Variants in PSPC1 observed in about 807,000 individuals in gnomAD.
PSPC1 encodes the protein paraspeckle protein 1.
PSPC1 carries 14 observed loss-of-function variants against 51.6 expected under a neutral mutation model. The ratio of observed to expected loss-of-function variants is 0.27; its 90% CI spans 0.18 to 0.42. The LOEUF (loss-of-function observed/expected upper bound fraction) is 0.42, where lower values mean the gene tolerates loss of function less well. Ranked by LOEUF, PSPC1 falls within the 10% of genes least tolerant of loss-of-function variation. PSPC1 has a pLI of 1.00. For missense variants in PSPC1, 406 were observed against 701.1 expected, an observed-to-expected ratio of 0.58 and a Z score of 4.75; for synonymous variants, 193 against 231.9, an observed-to-expected ratio of 0.83 and a Z score of 1.53.
At chr13:19,756,566 C>A (rs1887092403) in intron 3 of PSPC1, among the ~76,000 whole-genome samples, 1 of 151,772 alleles carries the variant, frequency 6.6e-6, no homozygotes, top group South Asian at 2.1e-4. Context: ...GTGGCGCGAT[C>A]TTGGCTCACC....
intron 8 of PSPC1, among the ~76,000 whole-genome samples, chr13:19,703,815 T>A (rs2137727153): frequency 6.6e-6 from 1 of 152,290 alleles, no homozygotes; most frequent in Non-Finnish European, 1.5e-5. Flanking sequence ...AATCTTCACA[T>A]CAATTCCTTG....
chr13:19,673,234 T>C (rs569085286), downstream of PSPC1: 1 of 419,740 alleles, frequency 2.4e-6, no homozygotes, highest in Admixed American at 3.2e-5. Context: ...TTCCTGCTTC[T>C]GTATGGCAAG....
chr13:19,721,029 G>C (rs1024259377), intron 6 of PSPC1, among the ~76,000 whole-genome samples: 5 of 48,478 alleles, frequency 1.0e-4, no homozygotes, highest in Admixed American at 6.9e-4. Flanking sequence ...ACTTAATACT[G>C]AACATAGACA....
intron 5 of PSPC1, among the ~76,000 whole-genome samples, chr13:19,736,635 A>C (rs1003347640): frequency 1.3e-5 from 2 of 152,166 alleles, no homozygotes; most frequent in Non-Finnish European, 2.9e-5. Context: ...GTGAGCCGAG[A>C]TCGCGCCACT....
intron 5 of PSPC1, among the ~76,000 whole-genome samples, chr13:19,732,886 C>G (rs1884293600): frequency 2.0e-5 from 3 of 148,422 alleles, no homozygotes. Context: ...GAGACTGCGC[C>G]ACTGCACTCC....
intron 6 of PSPC1, among the ~76,000 whole-genome samples, chr13:19,719,053 A>G (rs1882458801): frequency 6.6e-6 from 1 of 150,810 alleles, no homozygotes; most frequent in African/African-American, 2.4e-5. Flanking sequence ...CATGTCATAG[A>G]TTTGTCAAAA....
At chr13:19,741,532 C>T (rs372965843) in intron 5 of PSPC1, 33 bp downstream of exon 5, 80 of 1,424,280 alleles carry the variant, frequency 5.6e-5, no homozygotes, top group Non-Finnish European at 7.4e-5. Flanking sequence ...ATAAGACATA[C>T]AATTCATGTT....
At chr13:19,697,394 T>C (rs1307049005) in intron 6 of PSPC1, among the ~76,000 whole-genome samples, 1 of 152,208 alleles carries the variant, frequency 6.6e-6, no homozygotes, top group Non-Finnish European at 1.5e-5. Context: ...TCCACTGTTG[T>C]ATCTTAAGCC....
downstream of PSPC1, chr13:19,673,065 A>C (rs1050539078): frequency 8.6e-5 from 38 of 443,072 alleles, no homozygotes; most frequent in Admixed American, 9.8e-4. Flanking sequence ...AAAAAAAAAA[A>C]AAAGTTTCTT....
At chr13:19,745,245 G>C (rs1337674150) in intron 4 of PSPC1, among the ~76,000 whole-genome samples, 1 of 152,096 alleles carries the variant, frequency 6.6e-6, no homozygotes, top group African/African-American at 2.4e-5. Context: ...CTTGAACCTG[G>C]GAGGCACAGG....
intron 6 of PSPC1, among the ~76,000 whole-genome samples, chr13:19,684,493 T>C (rs763206295): frequency 7.8e-4 from 118 of 152,178 alleles, no homozygotes; most frequent in Non-Finnish European, 5.1e-4. Flanking sequence ...TGGAAACAAA[T>C]TGTCAAATAA....
chr13:19,729,090 C>A (rs530316590), intron 6 of PSPC1, among the ~76,000 whole-genome samples: 3 of 152,194 alleles, frequency 2.0e-5, no homozygotes, highest in South Asian at 2.1e-4. Context: ...TAGTCCCAGG[C>A]TAGAGCTTGC....
At chr13:19,744,018 G>A (rs951886602) in intron 4 of PSPC1, among the ~76,000 whole-genome samples, 1 of 152,190 alleles carries the variant, frequency 6.6e-6, no homozygotes, top group Non-Finnish European at 1.5e-5. Flanking sequence ...TTAGGCAGGA[G>A]AATCACTTGA....
intron 2 of PSPC1, among the ~76,000 whole-genome samples, chr13:19,765,740 C>CA (rs1163362003): frequency 6.6e-6 from 1 of 150,856 alleles, no homozygotes; most frequent in Non-Finnish European, 1.5e-5. Context: ...TCAATCTTTA[C>CA]AAAAAAAAGA....
chr13:19,762,102 T>C (rs1887651297), intron 2 of PSPC1, among the ~76,000 whole-genome samples: 1 of 152,184 alleles, frequency 6.6e-6, no homozygotes, highest in African/African-American at 2.4e-5. Flanking sequence ...ACATGTAAGT[T>C]TGGACCACTA....
At chr13:19,704,846 T>C (rs2137735338) in intron 8 of PSPC1, among the ~76,000 whole-genome samples, 1 of 152,320 alleles carries the variant, frequency 6.6e-6, no homozygotes, top group East Asian at 1.9e-4. Context: ...ATTTACTAAA[T>C]ATAATTTAAA....
Position 19,782,468 on chromosome 13 carries a change from TC to T in PSPC1, c.289del (p.Asp97ThrfsTer62). 1 of 1,611,966 alleles carries T rather than the reference TC, an allele frequency of 6.2e-7. No individual in the cohort carries two copies. Among genetic ancestry groups the T allele is most frequent in the East Asian group, 2.2e-5 (1 of 44,632 alleles). On this transcript the variant is annotated frameshift_variant, in exon 1 of 9. Coordinates refer to ENST00000338910, the MANE Select transcript of PSPC1 (RefSeq NM_001354909.2). LOFTEE classifies it high-confidence loss of function. This position sits in a 1 kb window ranked among gnomAD's most constrained non-coding sequence, Gnocchi z 4.5. Reference sequence around the variant, plus strand: ...ATAGCGTTCGAAGAGCCTCTTGAAGTCCTCCTCCGTGATGTCGGTGGGCAGA... The same window carrying T: ...ATAGCGTTCGAAGAGCCTCTTGAAGTCTCCTCCGTGATGTCGGTGGGCAGA... ...GNLPTDITEE[D>X]FKRLFERYGE... is the part of the protein sequence containing the mutation.
intron 3 of PSPC1, among the ~76,000 whole-genome samples, chr13:19,756,325 G>A (rs560206463): frequency 9.2e-5 from 14 of 152,050 alleles, no homozygotes; most frequent in African/African-American, 7.2e-5. Context: ...AAAACCCTTC[G>A]CTCCTTCCTT....
At chr13:19,715,173 C>T (rs1010563413) in intron 6 of PSPC1, among the ~76,000 whole-genome samples, 1 of 152,104 alleles carries the variant, frequency 6.6e-6, no homozygotes, top group Non-Finnish European at 1.5e-5. Context: ...AATCCTTTAG[C>T]AGGACTTTGG....
Sources: gnomAD v4.1 joint callset for allele counts (sites outside exome capture counted in the v4.1 genomes callset) on GRCh38, gnomAD v4.1.1 for gene constraint, Gnocchi (gnomAD v3.1) non-coding constraint, MANE v1.5 for transcripts, NCBI Gene and HGNC (gene_info 2026-07-23, HGNC 2026-07-21) for gene names.